KCNIP4: variants seen among roughly 807,000 people sequenced by gnomAD.
KCNIP4 encodes the protein Kv channel-interacting protein 4.
In KCNIP4, 12 loss-of-function variants were observed where a neutral mutation model predicts 34.0. The ratio of observed to expected loss-of-function variants is 0.35; its 90% CI spans 0.23 to 0.57. KCNIP4 has a LOEUF of 0.57. KCNIP4 is among the 20% of genes least tolerant of loss of function. The pLI, the probability that KCNIP4 is intolerant of heterozygous loss-of-function variation, is 0.83. For missense variants in KCNIP4, 238 were observed against 311.7 expected (o/e 0.76, Z 1.78); for synonymous variants, 124 against 102.2 (o/e 1.21, Z -1.29).
At chr4:21,711,290 G>A (rs1464107209) in intron 1 of KCNIP4, among the ~76,000 whole-genome samples, 1 of 152,128 alleles carries the variant, frequency 6.6e-6, no homozygotes, top group Non-Finnish European at 1.5e-5. Flanking sequence ...TGGCCAACAT[G>A]GTGAAACTTC....
intron 1 of KCNIP4, among the ~76,000 whole-genome samples, chr4:20,980,645 G>C (rs1177331217): frequency 1.3e-5 from 2 of 152,058 alleles, no homozygotes; most frequent in African/African-American, 4.8e-5. Context: ...AATAGACTCA[G>C]AAGTACTTTC....
At chr4:21,140,737 G>A (rs895796305) in intron 1 of KCNIP4, among the ~76,000 whole-genome samples, 1 of 152,052 alleles carries the variant, frequency 6.6e-6, no homozygotes, top group African/African-American at 2.4e-5. Flanking sequence ...CTGACAAAGT[G>A]GACTACTCTA....
At chr4:21,684,537 T>C (rs1432125239) in intron 1 of KCNIP4, among the ~76,000 whole-genome samples, 1 of 152,228 alleles carries the variant, frequency 6.6e-6, no homozygotes, top group East Asian at 1.9e-4. Context: ...ATGAGTAGGT[T>C]GTTAATATTG....
intron 1 of KCNIP4, among the ~76,000 whole-genome samples, chr4:21,803,930 C>T (rs911358159): frequency 6.6e-6 from 1 of 152,122 alleles, no homozygotes; most frequent in Non-Finnish European, 1.5e-5. Context: ...GCAAAGATCA[C>T]GGGGAATAGA....
intron 1 of KCNIP4, among the ~76,000 whole-genome samples, chr4:21,310,320 G>A (rs1713012632): frequency 6.6e-6 from 1 of 152,078 alleles, no homozygotes; most frequent in Non-Finnish European, 1.5e-5. Flanking sequence ...ACAGGTGTAA[G>A]CCACCACACC....
chr4:20,835,001 A>G (rs1349817941), intron 3 of KCNIP4, among the ~76,000 whole-genome samples: 1 of 152,134 alleles, frequency 6.6e-6, no homozygotes, highest in Admixed American at 6.5e-5. Flanking sequence ...TTTTCATTCA[A>G]TTCTTTGAGC....
chr4:20,839,991 T>G (rs1719527772), intron 3 of KCNIP4, among the ~76,000 whole-genome samples: 1 of 152,216 alleles, frequency 6.6e-6, no homozygotes, highest in Non-Finnish European at 1.5e-5. Flanking sequence ...TACCATTCTT[T>G]GAAGCAAATG....
At position 21,661,579 on chromosome 4, in the gene KCNIP4, C is replaced by A. The variant is rs192946000; in HGVS notation, c.61+286992G>T. ...CTCCCATTTCAATTTGAATAGCAAT[C>A]CAGTTCTCAGAGGTAGTTGTTATTA... On this transcript the variant is annotated intron_variant, in intron 1 of 8. Coordinates refer to ENST00000382152, the MANE Select transcript of KCNIP4 (RefSeq NM_025221.6). Among the ~76,000 whole-genome samples the A allele has an allele frequency of 7.2e-5, 11 of 152,302 alleles. No individual in the cohort carries two copies. The East Asian group carries it at 2.1e-3, about 29-fold the overall frequency.
intron 1 of KCNIP4, among the ~76,000 whole-genome samples, chr4:21,870,744 C>T (rs889538807): frequency 7.2e-5 from 11 of 152,132 alleles, no homozygotes; most frequent in African/African-American, 2.2e-4. Context: ...AGTCAAGAAC[C>T]TGAACCAGCC....
At chr4:21,012,826 T>G (rs1168201033) in intron 1 of KCNIP4, among the ~76,000 whole-genome samples, 4 of 152,212 alleles carry the variant, frequency 2.6e-5, no homozygotes, top group African/African-American at 4.8e-5. Flanking sequence ...CTCACAGTCT[T>G]ATTGGTGATG....
At chr4:21,684,583 G>A (rs1750665135) in intron 1 of KCNIP4, among the ~76,000 whole-genome samples, 1 of 152,020 alleles carries the variant, frequency 6.6e-6, no homozygotes, top group South Asian at 2.1e-4. Flanking sequence ...TGTTATTGTA[G>A]TTTAAAAATT....
intron 1 of KCNIP4, among the ~76,000 whole-genome samples, chr4:21,329,540 A>G (rs1378216215): frequency 6.6e-6 from 1 of 152,148 alleles, no homozygotes; most frequent in East Asian, 1.9e-4. Flanking sequence ...GGGGAGGAAA[A>G]CTTTCAAACA....
Position 20,757,269 on chromosome 4 carries a change from A to G in KCNIP4, c.358+1552T>C, listed in dbSNP as rs143012082. On this transcript the variant is annotated intron_variant, in intron 4 of 8. Transcript: ENST00000382152. ...CCCCACTTCTCATTTTCTCCTATGC[A>G]TATACTTATTTAAAGACCTTATTGT... Among the ~76,000 whole-genome samples, 35 of 152,178 alleles carry G rather than the reference A, an allele frequency of 2.3e-4. No individual in the cohort carries two copies. The East Asian group carries it at 2.7e-3, about 12-fold the overall frequency.
intron 1 of KCNIP4, among the ~76,000 whole-genome samples, chr4:21,137,223 C>T (rs1196635417): frequency 2.6e-5 from 4 of 152,190 alleles, no homozygotes; most frequent in Admixed American, 2.6e-4. Context: ...CACCAGTGCA[C>T]TGGAAGAGCT....
intron 3 of KCNIP4, among the ~76,000 whole-genome samples, chr4:20,781,718 T>C (rs1988547): frequency 0.7 from 107,062 of 152,010 alleles, 38,170 homozygotes; most frequent in South Asian, 0.79. Flanking sequence ...TATGGGAGTA[T>C]AATTCAAGAT....
chr4:21,704,822 C>G (rs1001643299), intron 1 of KCNIP4, among the ~76,000 whole-genome samples: 1 of 152,054 alleles, frequency 6.6e-6, no homozygotes. Flanking sequence ...CTTAAAATTC[C>G]GAACATACAT....
intron 1 of KCNIP4, among the ~76,000 whole-genome samples, chr4:21,907,328 G>A (rs1017459308): frequency 1.3e-5 from 2 of 152,146 alleles, no homozygotes; most frequent in African/African-American, 2.4e-5. Flanking sequence ...ACACACACTA[G>A]CTTGGTCTTC....
At chr4:21,759,402 T>C (rs1717892235) in intron 1 of KCNIP4, among the ~76,000 whole-genome samples, 1 of 152,174 alleles carries the variant, frequency 6.6e-6, no homozygotes, top group South Asian at 2.1e-4. Context: ...CAAAAGTAAT[T>C]TGAACTTATT....
intron 1 of KCNIP4, among the ~76,000 whole-genome samples, chr4:21,550,674 A>G (rs1406089856): frequency 6.6e-6 from 1 of 152,108 alleles, no homozygotes; most frequent in African/African-American, 2.4e-5. Flanking sequence ...ATTCCAAAGG[A>G]AAAATAAAGC....
Sources: allele counts gnomAD v4.1 joint callset (sites outside exome capture counted in the v4.1 genomes callset), GRCh38; gene constraint gnomAD v4.1.1; transcripts MANE v1.5; gene names NCBI Gene and HGNC (gene_info 2026-07-23, HGNC 2026-07-21).